The following PXK variants were observed in gnomAD, a reference collection of about 807,000 sequenced individuals.
PXK encodes the protein PX domain-containing protein kinase-like protein.
In PXK, 35 loss-of-function variants were observed where a neutral mutation model predicts 84.7. That is an observed-to-expected ratio of 0.41 (90% CI 0.32 to 0.55). The LOEUF is 0.55. Ranked by LOEUF, PXK falls within the 20% of genes least tolerant of loss-of-function variation. The pLI is 0.21. For missense variants in PXK, 634 were observed against 699.7 expected (o/e 0.91, Z 1.06); for synonymous variants, 253 against 260.8 (o/e 0.97, Z 0.29).
At chr3:58,405,926 G>T (rs944525850) in intron 13 of PXK, among the ~76,000 whole-genome samples, 1 of 152,092 alleles carries the variant, frequency 6.6e-6, no homozygotes, top group Non-Finnish European at 1.5e-5. Flanking sequence ...ATAATAACTG[G>T]TTGAATTTAT....
At position 58,343,635 on chromosome 3, in the gene PXK, G is replaced by A. The variant is rs181524276; in HGVS notation, c.102+10545G>A. ...ACTCTGTAGATGGTAAGGGGCGCAGGCAGCTTGTTCTGCCTCTTTGAGGCT... is the reference window on the plus strand; with the variant it reads ...ACTCTGTAGATGGTAAGGGGCGCAGACAGCTTGTTCTGCCTCTTTGAGGCT... On this transcript the variant is annotated intron_variant, in intron 1 of 17. Coordinates refer to ENST00000356151, the MANE Select transcript of PXK (RefSeq NM_017771.5). 2.4e-3 allele frequency among the ~76,000 whole-genome samples: 368 copies of A among 152,348 alleles called. 5 individuals carry two copies. Among genetic ancestry groups the A allele is most frequent in the East Asian group, 0.022 (113 of 5,188 alleles).
At position 58,399,691 on chromosome 3, in the gene PXK, T is replaced by G. The variant is rs2107256042; in HGVS notation, c.1181+314T>G. 6.6e-6 allele frequency among the ~76,000 whole-genome samples: 1 copy of G among 152,224 alleles called. No homozygotes were observed. The highest frequency in any genetic ancestry group is 2.1e-4 in the South Asian group (1 of 4,814). On this transcript the variant is annotated intron_variant, in intron 12 of 17. Transcript: ENST00000356151. The surrounding 1 kb of genome is among the most constrained non-coding windows in gnomAD (Gnocchi z 4.3). ...TCGCAGCCCCCAGCTTAGGAAATAC[T>G]GAAGGAGGGCCCTCTCAAGTGGCTC...
intron 17 of PXK, among the ~76,000 whole-genome samples, chr3:58,423,946 C>T (rs1560167541): frequency 6.6e-6 from 1 of 152,188 alleles, no homozygotes. Context: ...CACTGCGGTA[C>T]AGCACGACAT....
At chr3:58,363,021 A>G (rs1419934765) in intron 1 of PXK, among the ~76,000 whole-genome samples, 1 of 152,126 alleles carries the variant, frequency 6.6e-6, no homozygotes, top group Non-Finnish European at 1.5e-5. Flanking sequence ...GGCCCCATCT[A>G]CATTTTAGAA....
Position 58,399,301 on chromosome 3 carries a change from G to T in PXK, c.1105G>T (p.Ala369Ser). ...FPPAPSMAVV[A>S]VLESTLSCEA... ...AATGTGTATCTGTTCATTTCAAGTGGCCGTGTTGGAGTCTACGCTGTCTTG... is the reference window on the plus strand; with the variant it reads ...AATGTGTATCTGTTCATTTCAAGTGTCCGTGTTGGAGTCTACGCTGTCTTG... Residue 369 changes from alanine to serine, a missense_variant and splice_region_variant, in exon 12 of 18, where the codon GCC (alanine) becomes TCC (serine). By Grantham distance (99) the Ala-to-Ser change is moderately conservative (BLOSUM62 1). Transcript: ENST00000356151. The surrounding 1 kb of genome is among the most constrained non-coding windows in gnomAD (Gnocchi z 4.3). The T allele has an allele frequency of 6.2e-7, 1 of 1,613,954 alleles. No individual in the cohort carries two copies. The highest frequency in any genetic ancestry group is 1.1e-5 in the South Asian group (1 of 91,066).
intron 3 of PXK, 28 bp downstream of exon 3, chr3:58,369,506 A>G (rs779753940): frequency 6.4e-7 from 1 of 1,574,536 alleles, no homozygotes; most frequent in Non-Finnish European, 8.7e-7. Flanking sequence ...CTAATTACAC[A>G]CATTGATTAC....
chr3:58,403,982 G>C, intron 13 of PXK, 72 bp downstream of exon 13: 1 of 1,110,138 alleles, frequency 9.0e-7, no homozygotes, highest in Non-Finnish European at 1.2e-6. Flanking sequence ...TGTATTTTTA[G>C]CCAAAAAAAG....
At position 58,355,831 on chromosome 3, in the gene PXK, A is replaced by G. The variant is rs138221320; in HGVS notation, c.103-10043A>G. On this transcript the variant is annotated intron_variant, in intron 1 of 17. Transcript: ENST00000356151. ...ACTCCCACCTTTCCAAATTGCAGAA[A>G]GAGCCTGGCCTCAGGACTTCCCCGG... Among the ~76,000 whole-genome samples, 437 of 152,304 alleles carry G rather than the reference A, an allele frequency of 2.9e-3. 1 individual carries two copies. Among genetic ancestry groups the G allele is most frequent in the African/African-American group, 0.01 (424 of 41,566 alleles).
At position 58,421,192 on chromosome 3, in the gene PXK, A is replaced by G; in HGVS notation, c.1529-3560A>G. ...GTTACCCTAGTGTGGTCTCATGGCC[A>G]CTTGGCCTCCCTTCCTGTATGTGAC... On this transcript the variant is annotated intron_variant, in intron 17 of 17. Transcript: ENST00000356151. This position sits in a 1 kb window ranked among gnomAD's most constrained non-coding sequence, Gnocchi z 5.5. The G allele has an allele frequency of 1.0e-6, 1 of 985,364 alleles. No individual in the cohort carries two copies. The highest frequency in any genetic ancestry group is 1.2e-6 in the Non-Finnish European group (1 of 829,920). The allele number at this position is 985,364 out of a possible 1,614,324, so 61.0% of individuals were successfully genotyped here.
intron 1 of PXK, among the ~76,000 whole-genome samples, chr3:58,353,823 G>T (rs1461441976): frequency 6.6e-6 from 1 of 152,234 alleles, no homozygotes; most frequent in Admixed American, 6.5e-5. Flanking sequence ...GTAGAGGAGG[G>T]TTTGCATGGG....
At chr3:58,422,351 G>A (rs1282031756) in intron 17 of PXK, 2 of 985,250 alleles carry the variant, frequency 2.0e-6, no homozygotes, top group African/African-American at 1.7e-5. Flanking sequence ...CACCATGGTT[G>A]TTGTAGGCCC....
Position 58,399,449 on chromosome 3 carries a change from C to G in PXK, c.1181+72C>G. Reference sequence around the variant, plus strand: ...ACACCAGACCACTGTGTCCAAGCACCTGGTACTGTAGTAAAGATTCTTGCG... The same window carrying G: ...ACACCAGACCACTGTGTCCAAGCACGTGGTACTGTAGTAAAGATTCTTGCG... On this transcript the variant is annotated intron_variant, in intron 12 of 17. Transcript: ENST00000356151. The surrounding 1 kb of genome is among the most constrained non-coding windows in gnomAD (Gnocchi z 4.3). 6.8e-7 allele frequency: 1 copy of G among 1,465,146 alleles called. No homozygotes were observed. Among genetic ancestry groups the G allele is most frequent in the South Asian group, 1.2e-5 (1 of 85,668 alleles). The allele number at this position is 1,465,146 out of a possible 1,614,324, so 90.8% of individuals were successfully genotyped here. A position where few individuals can be genotyped will look rare whatever the true frequency, so the allele number is the denominator to read the frequency against.
chr3:58,334,627 C>T (rs953530858), intron 1 of PXK, among the ~76,000 whole-genome samples: 3 of 152,142 alleles, frequency 2.0e-5, no homozygotes, highest in African/African-American at 4.8e-5. Context: ...ACAGCCCCAG[C>T]CCATGTGCCT....
chr3:58,393,264 C>T (rs979212005), intron 7 of PXK, among the ~76,000 whole-genome samples: 5 of 151,920 alleles, frequency 3.3e-5, no homozygotes, highest in Non-Finnish European at 1.5e-5. Context: ...AGGAGAATGG[C>T]GTGAACCCGG....
At chr3:58,378,133 G>A (rs767669124) in intron 3 of PXK, among the ~76,000 whole-genome samples, 3 of 152,134 alleles carry the variant, frequency 2.0e-5, no homozygotes, top group African/African-American at 4.8e-5. Flanking sequence ...AAACATGTAC[G>A]TACTATACGT....
Position 58,345,702 on chromosome 3 carries a change from A to G in PXK, c.102+12612A>G, listed in dbSNP as rs145138941. Among the ~76,000 whole-genome samples the G allele has an allele frequency of 1.7e-3, 252 of 152,354 alleles. 2 individuals carry two copies. Among genetic ancestry groups the G allele is most frequent in the African/African-American group, 5.7e-3 (239 of 41,590 alleles). On this transcript the variant is annotated intron_variant, in intron 1 of 17. Coordinates refer to ENST00000356151, the MANE Select transcript of PXK (RefSeq NM_017771.5). ...AGTTATGAGCATACTCATGACTTCC[A>G]CAACTCATCCCATGCTTCCTGTGTG...
chr3:58,339,212 T>TG (rs150595638), intron 1 of PXK, among the ~76,000 whole-genome samples: 16 of 149,994 alleles, frequency 1.1e-4, no homozygotes, highest in Non-Finnish European at 2.1e-4. Flanking sequence ...TTGGGTTTTG[T>TG]GGGGGGTTTT....
chr3:58,409,607 T>C lies in PXK; in HGVS notation c.1384T>C (p.Leu462=), dbSNP rs765536875. The C allele has an allele frequency of 6.2e-7, 1 of 1,612,012 alleles. No homozygotes were observed. Residue 462 remains leucine, a synonymous_variant, in exon 15 of 18, where the codon TTA becomes CTA. Transcript: ENST00000356151. This position sits in a 1 kb window ranked among gnomAD's most constrained non-coding sequence, Gnocchi z 4.2. ...SEEERKKRKI[L]ARKKSKRSAL... ...GGAGGAAAGAAAAAAAAGAAAGATT[T>C]TAGCTCGAAAGGTAAGCCTGCTGTC...
chr3:58,362,460 A>G (rs1166668505), intron 1 of PXK, among the ~76,000 whole-genome samples: 1 of 152,164 alleles, frequency 6.6e-6, no homozygotes, highest in Non-Finnish European at 1.5e-5. Context: ...AATACAACAC[A>G]TGAATCTTAG....
Sources: allele counts gnomAD v4.1 joint callset (sites outside exome capture counted in the v4.1 genomes callset), GRCh38; gene constraint gnomAD v4.1.1; non-coding constraint Gnocchi (gnomAD v3.1); transcripts MANE v1.5; gene names NCBI Gene and HGNC (gene_info 2026-07-23, HGNC 2026-07-21).